SAYSD1: variants seen among roughly 807,000 people sequenced by gnomAD.
SAYSD1 encodes SAYSVFN motif domain containing 1, also known as SAYSvFN domain-containing protein 1.
SAYSD1 carries 15 observed loss-of-function variants against 14.5 expected under a neutral mutation model. That is an observed-to-expected ratio of 1.03 (90% confidence interval 0.69 to 1.59). SAYSD1 has a LOEUF of 1.59. SAYSD1 is among the 40% of genes most tolerant of loss of function. SAYSD1 has a pLI of 0.00. For missense variants in SAYSD1, 247 were observed against 227.3 expected (o/e 1.09, Z -0.56); for synonymous variants, 105 against 102.6 (o/e 1.02, Z -0.14).
rs148721599 is a variant in SAYSD1, at chr6:39,115,055, C to T, written c.35G>A (p.Arg12Gln). Residue 12 changes from arginine to glutamine, a missense_variant, in exon 1 of 2, where the codon CGG (arginine) becomes CAG (glutamine). Arg to Gln is a conservative substitution (Grantham distance 43). Coordinates refer to ENST00000229903, the MANE Select transcript of SAYSD1 (RefSeq NM_018322.3). ...TTGGGCCGCCAGACCCGCCCGTTTC[C>T]GCGCCGCCCGAAACTCAGCTAACCG... ...EQRLAEFRAARKRAGLAAQPP... is the reference protein window; with the variant it reads ...EQRLAEFRAAQKRAGLAAQPP... The T allele has an allele frequency of 1.4e-3, 2,183 of 1,610,396 alleles. 4 individuals carry two copies. The highest frequency in any genetic ancestry group is 9.1e-3 in the Middle Eastern group (55 of 6,050).
intron 1 of SAYSD1, among the ~76,000 whole-genome samples, chr6:39,106,154 C>T (rs1274572667): frequency 6.6e-6 from 1 of 152,070 alleles, no homozygotes; most frequent in Non-Finnish European, 1.5e-5. Flanking sequence ...GTCAATATAC[C>T]TTTGTTGATT....
intron 1 of SAYSD1, chr6:39,110,597 A>AATACTGAAGTGCTGAACAAGG (rs1466279804): frequency 6.6e-6 from 1 of 152,252 alleles, no homozygotes; most frequent in African/African-American, 2.4e-5. Flanking sequence ...ACACCATGTG[A>AATACTGAAGTGCTGAACAAGG]ATACTGAAGT....
chr6:39,114,902 G>T lies in SAYSD1; in HGVS notation c.188C>A (p.Ala63Asp). 6.2e-7 allele frequency: 1 copy of T among 1,612,714 alleles called. No individual in the cohort carries two copies. The change falls in exon 1 of 2, where the codon GCC (alanine) becomes GAC (aspartate). Residue 63 changes from alanine (A) to aspartate (D), a missense_variant. By Grantham distance (126) the Ala-to-Asp change is moderately radical. Transcript: ENST00000229903. ...TCTCACCTGAACTAGGCCGGGCTGG[G>T]CCCGGGCACTCGCGGGCCTAGGTTT... ...VWKPRPASAR[A>D]QPGLVQEAAQ...
At position 39,115,122 on chromosome 6, in the gene SAYSD1, G is replaced by A. The variant is rs748720842; in HGVS notation, c.-33C>T. 5 of 1,582,432 alleles carry A rather than the reference G, an allele frequency of 3.2e-6. No homozygotes were observed. In the African/African-American group the frequency reaches 6.7e-5, roughly 21 times the overall value. On this transcript the variant is annotated 5_prime_UTR_variant, in exon 1 of 2. Coordinates refer to ENST00000229903, the MANE Select transcript of SAYSD1 (RefSeq NM_018322.3). ...GCCTCGCGTCCGTTGGCCGATAAGG[G>A]AGCGCGCGCCCGCAGGCCGCACAGC...
Position 39,105,768 on chromosome 6 carries a change from A to G in SAYSD1, c.216T>C (p.Ala72=). 1 of 1,613,198 alleles carries G rather than the reference A, an allele frequency of 6.2e-7. No homozygotes were observed. Among genetic ancestry groups the G allele is most frequent in the East Asian group, 2.2e-5 (1 of 44,862 alleles). The part of the protein sequence containing the change: ...RAQPGLVQEA[A]QPQGSTSETP... ...TCTCTGATGTGCTGCCCTGGGGCTG[A>G]GCCGCTTCCTAGGATACACAAACAA... The change falls in exon 2 of 2, where the codon GCT becomes GCC. Residue 72 remains alanine (A), a synonymous_variant. Transcript: ENST00000229903.
Position 39,105,872 on chromosome 6 carries a change from G to A in SAYSD1, c.208-96C>T. ...AAGGCAGTTTTCATTGCTCTGAGAA[G>A]GCTGCTGGCTCATTGATTTCTATTC... On this transcript the variant is annotated intron_variant, in intron 1 of 1. Coordinates refer to ENST00000229903, the MANE Select transcript of SAYSD1 (RefSeq NM_018322.3). 3 of 1,067,264 alleles carry A rather than the reference G, an allele frequency of 2.8e-6. No individual in the cohort carries two copies. The South Asian group carries it at 4.8e-5, about 17-fold the overall frequency. 66.1% of individuals were successfully genotyped at this position (1,067,264 alleles called of 1,614,324 possible).
intron 1 of SAYSD1, chr6:39,112,187 GAC>G (rs1053820602): frequency 1.3e-5 from 2 of 152,354 alleles, no homozygotes. Flanking sequence ...AGGGAAAAAG[GAC>G]ATTGAAATTG....
rs1280247679 is a variant in SAYSD1 at position 39,114,758 on chromosome 6, C to G, written c.207+125G>C. The G allele has an allele frequency of 3.3e-5, 30 of 916,144 alleles. No homozygotes were observed. In the Admixed American group the frequency reaches 3.8e-4, roughly 12 times the overall value. 56.8% of individuals were successfully genotyped at this position (916,144 alleles called of 1,614,324 possible). ...GGCCGGAGATGAGCGGTCCGGCCCT[C>G]GATCAGGATGGGGGGCCAGTAGCCC... On this transcript the variant is annotated intron_variant, in intron 1 of 1. Coordinates refer to ENST00000229903, the MANE Select transcript of SAYSD1 (RefSeq NM_018322.3).
intron 1 of SAYSD1, among the ~76,000 whole-genome samples, chr6:39,107,828 T>C (rs577662191): frequency 5.5e-4 from 84 of 152,250 alleles, no homozygotes; most frequent in African/African-American, 2.0e-3. Context: ...GGCAGTGTTC[T>C]GGGCAAAGGG....
At position 39,115,069 on chromosome 6, in the gene SAYSD1, C is replaced by T. The variant is rs1344538893; in HGVS notation, c.21G>A (p.Glu7=). 1 of 1,608,530 alleles carries T rather than the reference C, an allele frequency of 6.2e-7. No individual in the cohort carries two copies. The highest frequency in any genetic ancestry group is 1.3e-5 in the African/African-American group (1 of 74,944). MEQRLA[E]FRAARKRAGL... is the part of the protein sequence containing the mutation. ...CCGCCCGTTTCCGCGCCGCCCGAAACTCAGCTAACCGCTGTTCCATGGCGC... is the reference window on the plus strand; with the variant it reads ...CCGCCCGTTTCCGCGCCGCCCGAAATTCAGCTAACCGCTGTTCCATGGCGC... Residue 7 remains glutamate (E), a synonymous_variant, in exon 1 of 2, where the codon GAG becomes GAA. Coordinates refer to ENST00000229903, the MANE Select transcript of SAYSD1 (RefSeq NM_018322.3).
At chr6:39,109,666 G>C (rs1472840272) in intron 1 of SAYSD1, 3 of 1,130,852 alleles carry the variant, frequency 2.7e-6, no homozygotes, top group Non-Finnish European at 3.3e-6. Flanking sequence ...CCATGCCTGA[G>C]ATTAAAAGGT....
intron 1 of SAYSD1, chr6:39,109,507 TG>T: frequency 6.8e-7 from 1 of 1,467,402 alleles, no homozygotes; most frequent in Non-Finnish European, 9.0e-7. Context: ...AGTCAGAGCT[TG>T]GCCCAAATGG....
At chr6:39,109,720 C>T (rs1769590666) in intron 1 of SAYSD1, 4 of 746,812 alleles carry the variant, frequency 5.4e-6, no homozygotes, top group Admixed American at 4.9e-5. Context: ...ACCTAATATC[C>T]TCTGGGTTTC....
chr6:39,113,268 C>A (rs760826749), intron 1 of SAYSD1: 1 of 151,810 alleles, frequency 6.6e-6, no homozygotes, highest in Non-Finnish European at 1.5e-5. Context: ...GTATGTAAAC[C>A]TTATTTCAAT....
At chr6:39,109,305 A>T in intron 1 of SAYSD1, 1 of 1,550,576 alleles carries the variant, frequency 6.4e-7, no homozygotes, top group South Asian at 1.2e-5. Flanking sequence ...AGGAATTTTT[A>T]AAAGTTACCA....
At chr6:39,114,536 G>A (rs573722665) in intron 1 of SAYSD1, among the ~76,000 whole-genome samples, 1 of 152,344 alleles carries the variant, frequency 6.6e-6, no homozygotes, top group South Asian at 2.1e-4. Flanking sequence ...TCCTCCATTA[G>A]CAGAGGGCTG....
At position 39,114,755 on chromosome 6, in the gene SAYSD1, C is replaced by T. The variant is rs1482673311; in HGVS notation, c.207+128G>A. The T allele has an allele frequency of 4.5e-6, 4 of 888,474 alleles. No individual in the cohort carries two copies. The East Asian group carries it at 9.9e-5, about 22-fold the overall frequency. 55.0% of individuals were successfully genotyped at this position (888,474 alleles called of 1,614,324 possible). ...TGTGGCCGGAGATGAGCGGTCCGGC[C>T]CTCGATCAGGATGGGGGGCCAGTAG... is the stretch of plus-strand genomic sequence containing the variant. On this transcript the variant is annotated intron_variant, in intron 1 of 1. Transcript: ENST00000229903.
At chr6:39,109,215 G>T in intron 1 of SAYSD1, 1 of 1,145,004 alleles carries the variant, frequency 8.7e-7, no homozygotes, top group Non-Finnish European at 1.3e-6. Flanking sequence ...GGATGGGTAT[G>T]GGAAATGGGT....
Position 39,105,115 on chromosome 6 carries a change from G to C in SAYSD1, c.*317C>G, listed in dbSNP as rs1769469534. The C allele has an allele frequency of 3.4e-6, 1 of 291,240 alleles. No individual in the cohort carries two copies. The highest frequency in any genetic ancestry group is 6.4e-6 in the Non-Finnish European group (1 of 156,576). The allele number at this position is 291,240 out of a possible 1,614,324, so 18.0% of individuals were successfully genotyped here. A position where few individuals can be genotyped will look rare whatever the true frequency, so the allele number is the denominator to read the frequency against. On this transcript the variant is annotated 3_prime_UTR_variant, in exon 2 of 2. Transcript: ENST00000229903. Reference sequence around the variant, plus strand: ...CAAACTGCTGGATGTTTTAAGCTGAGAATCTCCCCAGTGCCTTTCTAGTGC... The same window carrying C: ...CAAACTGCTGGATGTTTTAAGCTGACAATCTCCCCAGTGCCTTTCTAGTGC...
Sources: gnomAD v4.1 joint callset for allele counts (sites outside exome capture counted in the v4.1 genomes callset) on GRCh38, gnomAD v4.1.1 for gene constraint, MANE v1.5 for transcripts, NCBI Gene and HGNC (gene_info 2026-07-23, HGNC 2026-07-21) for gene names.